Variants in ABCG2 observed in about 807,000 individuals in gnomAD.
ABCG2 encodes broad substrate specificity ATP-binding cassette transporter ABCG2.
Under a neutral mutation model 73.5 loss-of-function variants are expected in ABCG2, and 80 were observed. The ratio of observed to expected loss-of-function variants is 1.09; its 90% CI spans 0.91 to 1.31. ABCG2 has a LOEUF of 1.31. Ranked by LOEUF, ABCG2 falls within the 50% of genes most tolerant of loss-of-function variation. ABCG2 has a pLI of 0.00. For missense variants in ABCG2, 796 were observed against 786.2 expected (o/e 1.01, Z -0.15); for synonymous variants, 269 against 282.4 (o/e 0.95, Z 0.48).
intron 8 of ABCG2, among the ~76,000 whole-genome samples, chr4:88,114,673 ATGCATATAT>A (rs1723403077): frequency 6.6e-6 from 1 of 152,112 alleles, no homozygotes; most frequent in African/African-American, 2.4e-5. Context: ...CTATATGCAA[ATGCATATAT>A]TGCCAAGTTT....
chr4:88,147,617 CAAT>C (rs1391172511), intron 1 of ABCG2, among the ~76,000 whole-genome samples: 1 of 152,192 alleles, frequency 6.6e-6, no homozygotes, highest in East Asian at 1.9e-4. Flanking sequence ...ACTCTGTTCT[CAAT>C]TATTCCTATT....
chr4:88,142,104 T>C (rs1725688019), intron 1 of ABCG2, among the ~76,000 whole-genome samples: 1 of 151,784 alleles, frequency 6.6e-6, no homozygotes, highest in South Asian at 2.1e-4. Context: ...AATCTCCTAA[T>C]TAAAAAGAAT....
upstream of ABCG2, chr4:88,158,803 C>G (rs1727140445): frequency 8.9e-6 from 3 of 338,552 alleles, no homozygotes; most frequent in South Asian, 6.6e-5. Flanking sequence ...TGGGAGCCGG[C>G]GGGTGGCCGC....
At chr4:88,200,761 C>G (rs1360968973) in intron 1 of ABCG2, among the ~76,000 whole-genome samples, 1 of 152,136 alleles carries the variant, frequency 6.6e-6, no homozygotes, top group Non-Finnish European at 1.5e-5. Context: ...ATCCACCTGC[C>G]TCAGCCTCCC....
At chr4:88,132,407 G>C (rs1724954076) in intron 3 of ABCG2, among the ~76,000 whole-genome samples, 169 bp downstream of exon 3, 1 of 152,014 alleles carries the variant, frequency 6.6e-6, no homozygotes, top group African/African-American at 2.4e-5. Flanking sequence ...AAGACTACCT[G>C]GTCTTTGGGA....
intron 6 of ABCG2, 110 bp from the exon 7 acceptor site, chr4:88,118,370 T>C: frequency 8.6e-7 from 1 of 1,163,592 alleles, no homozygotes; most frequent in African/African-American, 1.6e-5. Flanking sequence ...CAGCCTGACT[T>C]TGTCTTACTA....
Position 88,132,001 on chromosome 4 carries a change from C to G in ABCG2, c.264-84G>C, listed in dbSNP as rs1724927056. 12 of 830,578 alleles carry G rather than the reference C, an allele frequency of 1.4e-5. No individual in the cohort carries two copies. In the South Asian group the frequency reaches 2.2e-4, roughly 16 times the overall value. 51.5% of individuals were successfully genotyped at this position (830,578 alleles called of 1,614,324 possible). A position where few individuals can be genotyped will look rare whatever the true frequency, so the allele number is the denominator to read the frequency against. On this transcript the variant is annotated intron_variant, in intron 3 of 15. Coordinates refer to ENST00000237612, the MANE Select transcript of ABCG2 (RefSeq NM_004827.3). ...GGGGTTTTTTTCCCTCCAACACATG[C>G]TATATATCTCATGGCTACTTTGAAT...
Position 88,158,403 on chromosome 4 carries a change from G to A in ABCG2, c.-37C>T. Reference sequence around the variant, plus strand: ...TTACTCACTCAGCTTAATAGAGCTCGGTCTTAACCAAAGGCTCAGGATCTC... The same window carrying A: ...TTACTCACTCAGCTTAATAGAGCTCAGTCTTAACCAAAGGCTCAGGATCTC... On this transcript the variant is annotated 5_prime_UTR_variant, in exon 1 of 16. Transcript: ENST00000237612. 2.4e-6 allele frequency: 1 copy of A among 418,976 alleles called. No individual in the cohort carries two copies. The highest frequency in any genetic ancestry group is 1.8e-5 in the South Asian group (1 of 57,058). The allele number at this position is 418,976 out of a possible 1,614,324, so 26.0% of individuals were successfully genotyped here. A position where few individuals can be genotyped will look rare whatever the true frequency, so the allele number is the denominator to read the frequency against.
At chr4:88,140,238 C>CCCTAATAAGTAAATGGGT (rs1261758428) in intron 1 of ABCG2, among the ~76,000 whole-genome samples, 4 of 152,082 alleles carry the variant, frequency 2.6e-5, no homozygotes, top group African/African-American at 7.2e-5. Context: ...TCAAATACAT[C>CCCTAATAAGTAAATGGGT]CCTAATAAGT....
rs577077223 is a variant in ABCG2, at chr4:88,115,539, C to T, written c.842-481G>A. 4.7e-5 allele frequency among the ~76,000 whole-genome samples: 7 copies of T among 150,188 alleles called. 1 individual carries two copies. The South Asian group carries it at 8.4e-4, about 18-fold the overall frequency. The stretch of plus-strand genomic sequence containing the variant: ...CCTCAAGTGATCCACCCGCCTCGGC[C>T]TCCCAAAGTGCTGGGATTACAGGCA... On this transcript the variant is annotated intron_variant, in intron 7 of 15. Transcript: ENST00000237612.
Position 88,202,374 on chromosome 4 carries a change from A to ATATATG in ABCG2, c.-20+28619_-20+28620insCATATA, listed in dbSNP as rs1240795047. On this transcript the variant is annotated intron_variant, in intron 1 of 15. Transcript: ENST00000515655. ...ATTATTTATATATATATATATATAT[A>ATATATG]TATGTATATTTTAATTAGCTGGGCA... 1.1e-4 allele frequency among the ~76,000 whole-genome samples: 13 copies of ATATATG among 115,794 alleles called. 1 individual carries two copies. The highest frequency in any genetic ancestry group is 2.5e-4 in the African/African-American group (8 of 31,746). 76.0% of individuals were successfully genotyped at this position (115,794 alleles called of 152,430 possible). A position where few individuals can be genotyped will look rare whatever the true frequency, so the allele number is the denominator to read the frequency against.
rs1723837537 is a variant in ABCG2 at position 88,119,802 on chromosome 4, G to A, written c.690-1542C>T. 2.0e-5 allele frequency among the ~76,000 whole-genome samples: 3 copies of A among 152,088 alleles called. No individual in the cohort carries two copies. In the South Asian group the frequency reaches 6.2e-4, roughly 32 times the overall value. ...TTCACAAAGATATGGTTTGAAATTG[G>A]AACTTATGTTTAAAAGGGAAGCGGA... is the stretch of plus-strand genomic sequence containing the variant. On this transcript the variant is annotated intron_variant, in intron 6 of 15. Coordinates refer to ENST00000237612, the MANE Select transcript of ABCG2 (RefSeq NM_004827.3).
chr4:88,224,790 A>G (rs1046166163), intron 1 of ABCG2, among the ~76,000 whole-genome samples: 1 of 152,208 alleles, frequency 6.6e-6, no homozygotes, highest in Non-Finnish European at 1.5e-5. Context: ...AGCCAACGTC[A>G]TGAAGCGTTC....
intron 10 of ABCG2, 127 bp downstream of exon 10, chr4:88,107,057 C>T (rs764027482): frequency 1.0e-5 from 7 of 698,762 alleles, no homozygotes; most frequent in Non-Finnish European, 1.6e-5. Flanking sequence ...TAAACTGACT[C>T]ATCCTACCCT....
chr4:88,161,858 G>A (rs1727332704), upstream of ABCG2, among the ~76,000 whole-genome samples: 1 of 122,914 alleles, frequency 8.1e-6, no homozygotes, highest in East Asian at 2.3e-4. Flanking sequence ...TTTAATGATT[G>A]CCATTCTAAC....
chr4:88,225,078 T>C (rs1054748704), intron 1 of ABCG2, among the ~76,000 whole-genome samples: 1 of 152,196 alleles, frequency 6.6e-6, no homozygotes, highest in Non-Finnish European at 1.5e-5. Context: ...ACTGTTTTGA[T>C]TACTGTAACT....
chr4:88,095,417 G>C lies in ABCG2; in HGVS notation c.1737+103C>G, dbSNP rs543811095. The C allele has an allele frequency of 2.8e-5, 30 of 1,055,202 alleles. No individual in the cohort carries two copies. The African/African-American group carries it at 4.1e-4, about 14-fold the overall frequency. 65.4% of individuals were successfully genotyped at this position (1,055,202 alleles called of 1,614,324 possible). The stretch of plus-strand genomic sequence containing the variant: ...CTCCTAAAAGGGAGTTTCTGGATGG[G>C]AGACTTTCACAGCTCATGGTCAGGG... On this transcript the variant is annotated intron_variant, in intron 14 of 15. Transcript: ENST00000237612.
intron 1 of ABCG2, among the ~76,000 whole-genome samples, chr4:88,227,409 A>T (rs1287257163): frequency 6.6e-6 from 1 of 152,148 alleles, no homozygotes; most frequent in Non-Finnish European, 1.5e-5. Context: ...ATAAATAAAT[A>T]AAATAAATAA....
chr4:88,196,970 C>G (rs1260757120), intron 1 of ABCG2, among the ~76,000 whole-genome samples: 1 of 151,890 alleles, frequency 6.6e-6, no homozygotes, highest in Non-Finnish European at 1.5e-5. Flanking sequence ...AAATACCCAA[C>G]CCCAAACCCC....
Sources: allele counts gnomAD v4.1 joint callset (sites outside exome capture counted in the v4.1 genomes callset), GRCh38; gene constraint gnomAD v4.1.1; transcripts MANE v1.5; gene names NCBI Gene and HGNC (gene_info 2026-07-23, HGNC 2026-07-21).